ZNF44: variants seen among roughly 807,000 people sequenced by gnomAD.
ZNF44 encodes gonadotropin inducible transcription repressor-2.
A neutral mutation model predicts 11.7 loss-of-function variants in ZNF44; 9 were observed. That is an observed-to-expected ratio of 0.77 (90% CI 0.46 to 1.35). The LOEUF (loss-of-function observed/expected upper bound fraction) is 1.35, where lower values mean the gene tolerates loss of function less well. Ranked by LOEUF, ZNF44 falls within the 40% of genes most tolerant of loss-of-function variation. ZNF44 has a pLI of 0.00. For synonymous variants in ZNF44, 224 were observed against 242.7 expected, an observed-to-expected ratio of 0.92 and a Z score of 0.72; for missense variants, 696 against 743.1, an observed-to-expected ratio of 0.94 and a Z score of 0.74.
downstream of ZNF44, among the ~76,000 whole-genome samples, chr19:12,268,145 G>GACACACAGACAC (rs1917802164): frequency 7.3e-6 from 1 of 136,750 alleles, no homozygotes; most frequent in African/African-American, 2.8e-5. Context: ...CACACACACA[G>GACACACAGACAC]ACACACACAC....
chr19:12,284,167 T>A (rs1394734803), intron 1 of ZNF44, among the ~76,000 whole-genome samples: 3 of 152,142 alleles, frequency 2.0e-5, no homozygotes, highest in African/African-American at 7.2e-5. Flanking sequence ...ATGAATTAAA[T>A]GACTGAGAAT....
At chr19:12,249,622 G>A (rs753452488) in intron 7 of ZNF44, among the ~76,000 whole-genome samples, 8 of 151,868 alleles carry the variant, frequency 5.3e-5, no homozygotes, top group Non-Finnish European at 1.0e-4. Flanking sequence ...GCACAATCTC[G>A]GCTTACTGCA....
intron 5 of ZNF44, chr19:12,260,166 C>T: frequency 1.3e-6 from 1 of 766,010 alleles, no homozygotes; most frequent in Non-Finnish European, 2.4e-6. Context: ...CAGAACTGCT[C>T]CAGTTTCTGA....
chr19:12,246,865 A>T (rs1391957245), downstream of ZNF44, among the ~76,000 whole-genome samples: 2 of 151,080 alleles, frequency 1.3e-5, no homozygotes, highest in Admixed American at 6.6e-5. Flanking sequence ...TCTCAAAAAA[A>T]AAAATAAAAC....
intron 1 of ZNF44, among the ~76,000 whole-genome samples, chr19:12,288,615 G>A (rs1967856821): frequency 1.3e-5 from 2 of 151,142 alleles, no homozygotes; most frequent in Admixed American, 6.6e-5. Flanking sequence ...AGTTGCACAC[G>A]CCAGTAATCC....
chr19:12,275,875 A>G, intron 2 of ZNF44, 81 bp downstream of exon 2: 1 of 1,461,032 alleles, frequency 6.8e-7, no homozygotes, highest in South Asian at 1.3e-5. Context: ...CCTTTTCCAT[A>G]TTTCAAATCA....
chr19:12,252,915 TCTCA>T (rs1264576020), intron 5 of ZNF44, among the ~76,000 whole-genome samples: 4 of 121,204 alleles, frequency 3.3e-5, no homozygotes, highest in Admixed American at 2.2e-4. Flanking sequence ...AGAGACAGAG[TCTCA>T]CTCTGTCTCC....
At chr19:12,243,967 T>A (rs992793868), downstream of ZNF44, among the ~76,000 whole-genome samples, 40 of 152,144 alleles carry the variant, frequency 2.6e-4, no homozygotes, top group Non-Finnish European at 4.9e-4. Context: ...TTGAAAAAAA[T>A]GTCCACTCAG....
chr19:12,267,654 C>A (rs1426113565), downstream of ZNF44, among the ~76,000 whole-genome samples: 1 of 151,946 alleles, frequency 6.6e-6, no homozygotes, highest in African/African-American at 2.4e-5. Context: ...TCAACATGTC[C>A]TCCTGTTCCC....
intron 5 of ZNF44, among the ~76,000 whole-genome samples, chr19:12,256,809 A>C (rs928805108): frequency 6.8e-6 from 1 of 147,174 alleles, no homozygotes; most frequent in African/African-American, 2.5e-5. Flanking sequence ...GGTTCAAGTG[A>C]TTCTTGTGCC....
At chr19:12,281,643 A>T (rs1225833960) in intron 1 of ZNF44, among the ~76,000 whole-genome samples, 1 of 152,184 alleles carries the variant, frequency 6.6e-6, no homozygotes, top group Non-Finnish European at 1.5e-5. Context: ...GGTTCTTTGG[A>T]AACATCATTA....
intron 5 of ZNF44, chr19:12,260,026 T>A (rs1917435746): frequency 4.3e-6 from 2 of 462,544 alleles, no homozygotes; most frequent in South Asian, 3.6e-5. Flanking sequence ...CAGTCCCCCC[T>A]CCACTCCCAC....
At chr19:12,275,521 G>A (rs570224330) in intron 2 of ZNF44, among the ~76,000 whole-genome samples, 88 of 152,132 alleles carry the variant, frequency 5.8e-4, no homozygotes, top group Admixed American at 1.0e-3. Flanking sequence ...GGTGGCGGGC[G>A]CCTGTAGTCC....
At chr19:12,279,398 G>C (rs1967372466) in intron 1 of ZNF44, among the ~76,000 whole-genome samples, 1 of 151,896 alleles carries the variant, frequency 6.6e-6, no homozygotes, top group African/African-American at 2.4e-5. Context: ...CAGCCTTCAA[G>C]CAAGAATACC....
chr19:12,294,604 G>GC (rs961165497), intron 1 of ZNF44, 88 bp downstream of exon 1: 4 of 1,512,460 alleles, frequency 2.6e-6, no homozygotes, highest in Non-Finnish European at 2.7e-6. Context: ...AGACGCTGCG[G>GC]CGAGGCCCGG....
intron 2 of ZNF44, among the ~76,000 whole-genome samples, chr19:12,234,480 C>A (rs1314607250): frequency 6.6e-6 from 1 of 151,878 alleles, no homozygotes; most frequent in Non-Finnish European, 1.5e-5. Flanking sequence ...AAATGTAGAC[C>A]GAGAAAAATC....
upstream of ZNF44, among the ~76,000 whole-genome samples, chr19:12,238,384 T>TG (rs1268664557): frequency 6.6e-6 from 1 of 151,818 alleles, no homozygotes; most frequent in Non-Finnish European, 1.5e-5. Context: ...CCTAGCACTT[T>TG]GGGAGGCCAA....
intron 1 of ZNF44, among the ~76,000 whole-genome samples, chr19:12,287,783 C>T (rs184211508): frequency 2.0e-5 from 3 of 152,222 alleles, no homozygotes; most frequent in Non-Finnish European, 4.4e-5. Flanking sequence ...GTGCAGGGAA[C>T]TTTTTGATGT....
chr19:12,279,864 T>TAAAAA (rs60621062), intron 1 of ZNF44, among the ~76,000 whole-genome samples: 11 of 121,306 alleles, frequency 9.1e-5, no homozygotes, highest in Admixed American at 3.2e-4. Flanking sequence ...TGGTCTGAGT[T>TAAAAA]AAAAAAAAAA....
Sources: allele counts gnomAD v4.1 joint callset (sites outside exome capture counted in the v4.1 genomes callset), GRCh38; gene constraint gnomAD v4.1.1; transcripts MANE v1.5; gene names NCBI Gene and HGNC (gene_info 2026-07-23, HGNC 2026-07-21).